Variants in THSD4 observed in about 807,000 individuals in gnomAD.
The protein encoded by THSD4 is thrombospondin type 1 domain containing 4.
Under a neutral mutation model 119.0 loss-of-function variants are expected in THSD4, and 69 were observed. That is an observed-to-expected ratio of 0.58 (90% CI 0.48 to 0.71). The LOEUF (loss-of-function observed/expected upper bound fraction) is 0.71, where lower values mean the gene tolerates loss of function less well. Ranked by LOEUF, THSD4 falls within the 30% of genes least tolerant of loss-of-function variation. THSD4 has a pLI of 0.00. For synonymous variants in THSD4, 524 were observed against 540.4 expected, an observed-to-expected ratio of 0.97 and a Z score of 0.42; for missense variants, 1,393 against 1,391.1, an observed-to-expected ratio of 1.00 and a Z score of -0.02.
rs2046782375 is a variant in THSD4, at chr15:71,418,766, T to G, written c.1152+6943T>G. Among the ~76,000 whole-genome samples the G allele has an allele frequency of 1.8e-5, 2 of 109,304 alleles. 1 individual carries two copies. Among genetic ancestry groups the G allele is most frequent in the African/African-American group, 6.2e-5 (2 of 32,290 alleles). The allele number at this position is 109,304 out of a possible 152,430, so 71.7% of individuals were successfully genotyped here. On this transcript the variant is annotated intron_variant, in intron 7 of 17. Coordinates refer to ENST00000261862, the MANE Select transcript of THSD4 (RefSeq NM_024817.3). ...ATTGGTGTATTAAATCTTCTTTAAA[T>G]GTATGGTAAAATTCAGCAGTGAGGC...
intron 7 of THSD4, among the ~76,000 whole-genome samples, chr15:71,487,384 C>T (rs2047839076): frequency 2.0e-5 from 3 of 152,158 alleles, no homozygotes; most frequent in Non-Finnish European, 4.4e-5. Flanking sequence ...TTTTCAGCTC[C>T]ATTACTCTGT....
chr15:71,125,863 C>T (rs2040450417), intron 1 of THSD4, among the ~76,000 whole-genome samples: 1 of 152,196 alleles, frequency 6.6e-6, no homozygotes, highest in East Asian at 1.9e-4. Context: ...GGATGGGAGA[C>T]CCGTCTTAAG....
chr15:71,460,481 G>T (rs192029194), intron 7 of THSD4, among the ~76,000 whole-genome samples: 30 of 152,182 alleles, frequency 2.0e-4, no homozygotes, highest in African/African-American at 5.3e-4. Flanking sequence ...AGGGCTGGAT[G>T]GCATGTGGAC....
intron 17 of THSD4, among the ~76,000 whole-genome samples, chr15:71,774,178 G>A (rs2053872258): frequency 6.6e-6 from 1 of 152,024 alleles, no homozygotes; most frequent in Non-Finnish European, 1.5e-5. Context: ...AGGTGTGGTG[G>A]CGCATGCCTA....
At chr15:71,401,553 T>C (rs1217095927) in intron 6 of THSD4, among the ~76,000 whole-genome samples, 2 of 152,180 alleles carry the variant, frequency 1.3e-5, no homozygotes, top group Non-Finnish European at 2.9e-5. Flanking sequence ...AATTCTGGGT[T>C]TTTACATTTC....
At chr15:71,237,940 T>TATTTTGTTGTTGAGATAA (rs2044119066) in intron 4 of THSD4, among the ~76,000 whole-genome samples, 1 of 152,188 alleles carries the variant, frequency 6.6e-6, no homozygotes, top group South Asian at 2.1e-4. Context: ...TCTCAACAAC[T>TATTTTGTTGTTGAGATAA]ATTATAGCAA....
intron 7 of THSD4, among the ~76,000 whole-genome samples, chr15:71,445,150 A>C (rs2047163192): frequency 6.6e-6 from 1 of 152,176 alleles, no homozygotes; most frequent in South Asian, 2.1e-4. Context: ...CTGGCAAGAC[A>C]CAGCTTCGGT....
At chr15:71,392,808 C>T (rs1187592885) in intron 6 of THSD4, among the ~76,000 whole-genome samples, 3 of 152,182 alleles carry the variant, frequency 2.0e-5, no homozygotes, top group Admixed American at 6.5e-5. Flanking sequence ...TGTACACACC[C>T]TTTGTTCTTC....
chr15:71,727,794 G>A (rs2052890858), intron 8 of THSD4, among the ~76,000 whole-genome samples: 1 of 149,996 alleles, frequency 6.7e-6, no homozygotes, highest in African/African-American at 2.4e-5. Context: ...AGGGCTGGGA[G>A]GGGAGAAAAA....
At chr15:71,165,351 C>A (rs1596234846) in intron 3 of THSD4, 2 of 1,521,792 alleles carry the variant, frequency 1.3e-6, no homozygotes, top group Non-Finnish European at 1.8e-6. Context: ...CTCCTCCCGA[C>A]GTTTGCACAA....
chr15:71,256,727 C>G lies in THSD4; in HGVS notation c.1015+12C>G, dbSNP rs1202156069. 1.9e-6 allele frequency: 3 copies of G among 1,605,986 alleles called. No individual in the cohort carries two copies. The highest frequency in any genetic ancestry group is 1.1e-5 in the South Asian group (1 of 90,292). On this transcript the variant is annotated intron_variant, in intron 6 of 17. Coordinates refer to ENST00000261862, the MANE Select transcript of THSD4 (RefSeq NM_024817.3). ...ACCATTTGCAGAAGGTAAGAATAGA[C>G]CCAGCCCTGTCCATAGAAGTTACTT...
intron 6 of THSD4, among the ~76,000 whole-genome samples, chr15:71,399,232 T>C (rs1243390166): frequency 6.6e-6 from 1 of 152,138 alleles, no homozygotes; most frequent in African/African-American, 2.4e-5. Context: ...TCACTAAGCT[T>C]GTGTGAGCCT....
chr15:71,614,980 G>A (rs750355633), intron 7 of THSD4, among the ~76,000 whole-genome samples: 1 of 152,212 alleles, frequency 6.6e-6, no homozygotes, highest in Admixed American at 6.5e-5. Context: ...TGTGCATGAG[G>A]TGTTGCGCGG....
chr15:71,169,402 C>T (rs930664473), intron 3 of THSD4, among the ~76,000 whole-genome samples: 1 of 152,222 alleles, frequency 6.6e-6, no homozygotes, highest in Non-Finnish European at 1.5e-5. Flanking sequence ...ATGCTATGAT[C>T]TGGCTACTGT....
At chr15:71,228,772 C>A (rs1281140440) in intron 4 of THSD4, among the ~76,000 whole-genome samples, 8 of 152,158 alleles carry the variant, frequency 5.3e-5, no homozygotes, top group African/African-American at 1.9e-4. Flanking sequence ...CCAGGTCAGG[C>A]CTTGCCCCAG....
At chr15:71,130,370 A>T (rs1237441329) in intron 1 of THSD4, among the ~76,000 whole-genome samples, 1 of 152,048 alleles carries the variant, frequency 6.6e-6, no homozygotes, top group Admixed American at 6.6e-5. Context: ...TATTTTTTGT[A>T]GAGATGGAGT....
intron 5 of THSD4, among the ~76,000 whole-genome samples, chr15:71,250,962 T>TAAAAC (rs753564285): frequency 2.3e-4 from 35 of 152,244 alleles, no homozygotes; most frequent in African/African-American, 8.2e-4. Context: ...AAATCTCAGA[T>TAAAAC]AAAACAAAAC....
At chr15:71,391,026 ATTTTTTTTT>A (rs66485449) in intron 6 of THSD4, among the ~76,000 whole-genome samples, 1 of 126,512 alleles carries the variant, frequency 7.9e-6, no homozygotes, top group Non-Finnish European at 1.6e-5. Flanking sequence ...ATGCCGGCTA[ATTTTTTTTT>A]TTTTTTTTTC....
At chr15:71,450,634 C>A (rs1356558538) in intron 7 of THSD4, among the ~76,000 whole-genome samples, 1 of 152,182 alleles carries the variant, frequency 6.6e-6, no homozygotes, top group Non-Finnish European at 1.5e-5. Flanking sequence ...TGTAACTTTG[C>A]TCATAACTCA....
Sources: gnomAD v4.1 joint callset for allele counts (sites outside exome capture counted in the v4.1 genomes callset) on GRCh38, gnomAD v4.1.1 for gene constraint, MANE v1.5 for transcripts, NCBI Gene and HGNC (gene_info 2026-07-23, HGNC 2026-07-21) for gene names.